Variants in CTDP1 observed in about 807,000 individuals in gnomAD.
CTDP1 encodes the protein RNA polymerase II subunit A C-terminal domain phosphatase.
In CTDP1, 47 loss-of-function variants were observed where a neutral mutation model predicts 91.8. The observed-to-expected ratio is 0.51, with a 90% CI of 0.41 to 0.65. CTDP1 has a LOEUF of 0.65. CTDP1 is among the 30% of genes least tolerant of loss of function. The pLI, the probability that CTDP1 is intolerant of heterozygous loss-of-function variation, is 0.00. For synonymous variants in CTDP1, 656 were observed against 598.5 expected (o/e 1.10, Z -1.40); for missense variants, 1,272 against 1,373.7 (o/e 0.93, Z 1.17).
chr18:79,679,251 G>A, upstream of CTDP1: 2 of 371,210 alleles, frequency 5.4e-6, no homozygotes, highest in South Asian at 3.8e-5. Context: ...AGGAAGAGAA[G>A]ACCGCAACCC....
Position 79,742,642 on chromosome 18 carries a change from T to C in CTDP1, c.2747+6121T>C, listed in dbSNP as rs138511702. On this transcript the variant is annotated intron_variant, in intron 12 of 12. Coordinates refer to ENST00000613122, the MANE Select transcript of CTDP1 (RefSeq NM_004715.5). ...TTTATTCTCTTGATTTAAAAAGCAG[T>C]ATAGTTTTATAGTATAAGACTCTAT... Among the ~76,000 whole-genome samples the C allele has an allele frequency of 4.7e-4, 71 of 152,354 alleles. 1 individual carries two copies. Among genetic ancestry groups the C allele is most frequent in the East Asian group, 2.5e-3 (13 of 5,190 alleles).
At chr18:79,681,396 T>TGTGGA (rs1426749924) in intron 1 of CTDP1, 7 of 931,848 alleles carry the variant, frequency 7.5e-6, no homozygotes, top group Non-Finnish European at 9.0e-6. Flanking sequence ...CTGGGAGGAT[T>TGTGGA]GTGGAGGCAG....
chr18:79,681,617 G>C, intron 1 of CTDP1: 1 of 364,012 alleles, frequency 2.7e-6, no homozygotes, highest in Non-Finnish European at 3.8e-6. Context: ...CAGCCAGCCA[G>C]GTCATGAGCT....
chr18:79,714,286 T>C (rs2086146897), intron 7 of CTDP1, among the ~76,000 whole-genome samples: 1 of 151,860 alleles, frequency 6.6e-6, no homozygotes, highest in Non-Finnish European at 1.5e-5. Context: ...CAGAAAAAAA[T>C]TCAATATCCA....
At chr18:79,697,722 C>A in intron 3 of CTDP1, 138 bp from the exon 4 acceptor site, 1 of 1,308,612 alleles carries the variant, frequency 7.6e-7, no homozygotes, top group Non-Finnish European at 1.1e-6. Context: ...GCCTCTCGGC[C>A]TGTACGGCGC....
At chr18:79,732,880 C>G (rs1164566592) in intron 11 of CTDP1, among the ~76,000 whole-genome samples, 1 of 150,824 alleles carries the variant, frequency 6.6e-6, no homozygotes, top group African/African-American at 2.4e-5. Context: ...GACGTAAGAA[C>G]TCGCTAACAT....
intron 10 of CTDP1, among the ~76,000 whole-genome samples, chr18:79,725,393 A>T (rs2086425991): frequency 6.6e-6 from 1 of 151,968 alleles, no homozygotes; most frequent in Non-Finnish European, 1.5e-5. Flanking sequence ...GGTCCTGGAG[A>T]TTTTATTTTT....
rs778152886 is a variant in CTDP1, at chr18:79,713,275, G to A, written c.1030+137G>A. On this transcript the variant is annotated intron_variant, in intron 7 of 12. Coordinates refer to ENST00000613122, the MANE Select transcript of CTDP1 (RefSeq NM_004715.5). This position sits in a 1 kb window ranked among gnomAD's most constrained non-coding sequence, Gnocchi z 4.7. ...TATTTGTGTTTCAGTAGAGATTATT[G>A]GATTTATTTATAGAGTACTGAAAAA... is the stretch of plus-strand genomic sequence containing the variant. 5.0e-6 allele frequency: 5 copies of A among 1,002,522 alleles called. No individual in the cohort carries two copies. The highest frequency in any genetic ancestry group is 7.4e-6 in the Non-Finnish European group (5 of 671,398). The allele number at this position is 1,002,522 out of a possible 1,614,324, so 62.1% of individuals were successfully genotyped here.
chr18:79,741,330 C>T (rs193239135), intron 12 of CTDP1, among the ~76,000 whole-genome samples: 1 of 152,338 alleles, frequency 6.6e-6, no homozygotes, highest in Non-Finnish European at 1.5e-5. Flanking sequence ...GGTGAATCAT[C>T]ACTCACAAAG....
intron 12 of CTDP1, among the ~76,000 whole-genome samples, chr18:79,737,929 C>T (rs1441289005): frequency 6.6e-6 from 1 of 152,174 alleles, no homozygotes; most frequent in East Asian, 1.9e-4. Context: ...TGATAATCAC[C>T]TCACTTTTGT....
intron 11 of CTDP1, among the ~76,000 whole-genome samples, chr18:79,730,502 G>A (rs941113673): frequency 5.4e-5 from 8 of 147,330 alleles, no homozygotes; most frequent in Non-Finnish European, 1.1e-4. Context: ...TGTCTTGAAC[G>A]CACTCAGCAG....
At position 79,714,534 on chromosome 18, in the gene CTDP1, C is replaced by G. The variant is rs763175422; in HGVS notation, c.1074C>G (p.Pro358=). The G allele has an allele frequency of 3.7e-6, 6 of 1,613,044 alleles. No individual in the cohort carries two copies. The Admixed American group carries it at 5.0e-5, about 13-fold the overall frequency. The change falls in exon 8 of 13, where the codon CCC becomes CCG. Residue 358 remains proline (P), a synonymous_variant. Transcript: ENST00000613122. Reference sequence around the variant, plus strand: ...CTGAGGTCTCAGAGCCATCTCCGCCCGTGAGAGACCCTGAGGGGGTAACGC... The same window carrying G: ...CTGAGGTCTCAGAGCCATCTCCGCCGGTGAGAGACCCTGAGGGGGTAACGC... The part of the protein sequence containing the change: ...RGTEVSEPSP[P]VRDPEGVTQA...
chr18:79,754,809 G>A (rs1403574121), downstream of CTDP1: 5 of 152,320 alleles, frequency 3.3e-5, no homozygotes, highest in African/African-American at 1.2e-4. Context: ...GTAGGTGCTG[G>A]GCTATGGCCG....
chr18:79,751,884 ACTGT>A (rs2087010450), intron 12 of CTDP1, among the ~76,000 whole-genome samples: 1 of 152,216 alleles, frequency 6.6e-6, no homozygotes. Flanking sequence ...ACATATGGTG[ACTGT>A]CCCTAGTTTC....
intron 1 of CTDP1, among the ~76,000 whole-genome samples, chr18:79,684,397 C>T (rs1327226000): frequency 6.6e-6 from 1 of 152,238 alleles, no homozygotes; most frequent in Non-Finnish European, 1.5e-5. Context: ...TGAGGCGGAG[C>T]ACTGCGGAGA....
chr18:79,695,776 G>A (rs2085734271), intron 2 of CTDP1, among the ~76,000 whole-genome samples: 1 of 152,234 alleles, frequency 6.6e-6, no homozygotes. Flanking sequence ...GTGTTCATGA[G>A]TGTGGCCACG....
chr18:79,711,391 C>T (rs2086080265), intron 6 of CTDP1, among the ~76,000 whole-genome samples: 1 of 152,124 alleles, frequency 6.6e-6, no homozygotes, highest in African/African-American at 2.4e-5. Context: ...GCCCTTTTGC[C>T]TCTGAGTATC....
At chr18:79,689,158 C>T (rs544358774) in intron 1 of CTDP1, among the ~76,000 whole-genome samples, 5 of 152,276 alleles carry the variant, frequency 3.3e-5, no homozygotes, top group African/African-American at 1.2e-4. Flanking sequence ...CAAGAGTCAG[C>T]TCCTTCGTCT....
chr18:79,731,508 A>C (rs940099881), intron 11 of CTDP1, among the ~76,000 whole-genome samples: 2 of 152,176 alleles, frequency 1.3e-5, no homozygotes, highest in African/African-American at 4.8e-5. Flanking sequence ...CTTGAGACCC[A>C]GTAGGCATCT....
Sources: allele counts gnomAD v4.1 joint callset (sites outside exome capture counted in the v4.1 genomes callset), GRCh38; gene constraint gnomAD v4.1.1; non-coding constraint Gnocchi (gnomAD v3.1); transcripts MANE v1.5; gene names NCBI Gene and HGNC (gene_info 2026-07-23, HGNC 2026-07-21).